TNR: variants seen among roughly 807,000 people sequenced by gnomAD.
The protein encoded by TNR is tenascin-R.
In TNR, 45 loss-of-function variants were observed where a neutral mutation model predicts 150.4. The ratio of observed to expected loss-of-function variants is 0.30; its 90% CI spans 0.24 to 0.38. The LOEUF (loss-of-function observed/expected upper bound fraction) is 0.38. Among genes scored for constraint, TNR ranks in the 10% least tolerant of loss-of-function variants. The pLI, the probability that TNR is intolerant of heterozygous loss-of-function variation, is 1.00. For missense variants in TNR, 1,544 were observed against 1,759.1 expected (o/e 0.88, Z 2.19); for synonymous variants, 687 against 678.4 (o/e 1.01, Z -0.20).
intron 1 of TNR, among the ~76,000 whole-genome samples, chr1:175,738,255 A>G (rs886627755): frequency 1.3e-5 from 2 of 152,196 alleles, no homozygotes; most frequent in Non-Finnish European, 2.9e-5. Context: ...AAGGAGGGGA[A>G]TAGGAAACAA....
intron 2 of TNR, among the ~76,000 whole-genome samples, chr1:175,419,969 G>A (rs376217028): frequency 1.3e-5 from 2 of 152,280 alleles, no homozygotes; most frequent in East Asian, 1.9e-4. Flanking sequence ...CCATTCTGCC[G>A]AAGGGGAGCT....
intron 1 of TNR, among the ~76,000 whole-genome samples, chr1:175,612,750 A>C (rs920667139): frequency 2.0e-5 from 3 of 152,262 alleles, no homozygotes; most frequent in Non-Finnish European, 4.4e-5. Context: ...GCTGGGAAAG[A>C]GAAGAAAATC....
intron 1 of TNR, among the ~76,000 whole-genome samples, chr1:175,619,000 C>T (rs565220493): frequency 4.3e-4 from 65 of 152,130 alleles, no homozygotes; most frequent in Non-Finnish European, 8.7e-4. Context: ...GGCCTCATTG[C>T]CCAGGTGGGT....
chr1:175,521,953 G>A (rs1659656791), intron 2 of TNR, among the ~76,000 whole-genome samples: 1 of 152,224 alleles, frequency 6.6e-6, no homozygotes, highest in Admixed American at 6.5e-5. Context: ...AGCCCCTGGA[G>A]TGCAGCAAGC....
At chr1:175,396,280 C>T (rs1251076166) in intron 5 of TNR, among the ~76,000 whole-genome samples, 2 of 152,204 alleles carry the variant, frequency 1.3e-5, no homozygotes, top group African/African-American at 2.4e-5. Context: ...TATAACAAGC[C>T]AGTACTCCAT....
intron 2 of TNR, among the ~76,000 whole-genome samples, chr1:175,407,662 A>G (rs1654023202): frequency 6.6e-6 from 1 of 152,220 alleles, no homozygotes; most frequent in African/African-American, 2.4e-5. Flanking sequence ...GAGTGTGACT[A>G]TTCGTCGGAG....
chr1:175,619,257 G>A (rs1232435326), intron 1 of TNR, among the ~76,000 whole-genome samples: 2 of 152,178 alleles, frequency 1.3e-5, no homozygotes, highest in Non-Finnish European at 1.5e-5. Context: ...GACCATGAGA[G>A]CATTGTCCAT....
intron 2 of TNR, among the ~76,000 whole-genome samples, chr1:175,505,268 C>G (rs898961097): frequency 2.0e-5 from 3 of 152,232 alleles, no homozygotes; most frequent in African/African-American, 7.2e-5. Flanking sequence ...AAGCCTGGCT[C>G]CCCTGCAGAA....
chr1:175,481,948 T>C (rs771755161), intron 2 of TNR, among the ~76,000 whole-genome samples: 66 of 152,262 alleles, frequency 4.3e-4, no homozygotes, highest in Non-Finnish European at 7.8e-4. Context: ...CTGAATAGTG[T>C]CTAAGGGTTG....
At chr1:175,416,143 C>CACACTA (rs1553218057) in intron 2 of TNR, among the ~76,000 whole-genome samples, 13 of 151,448 alleles carry the variant, frequency 8.6e-5, no homozygotes, top group Admixed American at 6.6e-4. Flanking sequence ...CACACACACA[C>CACACTA]TATATATATA....
chr1:175,494,089 C>G (rs1301953078), intron 2 of TNR, among the ~76,000 whole-genome samples: 1 of 152,152 alleles, frequency 6.6e-6, no homozygotes, highest in African/African-American at 2.4e-5. Context: ...TGCCTCCTTT[C>G]CCGGATTCCT....
chr1:175,716,485 T>G (rs1667157861), intron 1 of TNR, among the ~76,000 whole-genome samples: 1 of 152,222 alleles, frequency 6.6e-6, no homozygotes, highest in Admixed American at 6.5e-5. Flanking sequence ...CTGGAGGTAC[T>G]GCCTTTCAAA....
chr1:175,728,763 G>A (rs893224928), intron 1 of TNR, among the ~76,000 whole-genome samples: 8 of 152,212 alleles, frequency 5.3e-5, no homozygotes, highest in African/African-American at 1.4e-4. Context: ...CTGAATATGG[G>A]ATCCTATACA....
In TNR at chr1:175,459,331, A is replaced by G. The variant is rs536915798; in HGVS notation, c.-63-52554T>C. ...CGTCATCATTACCTCCAAGATTATT[A>G]CTACCACCATTACCACTGCCATCTC... On this transcript the variant is annotated intron_variant, in intron 2 of 22. Transcript: ENST00000367674. Among the ~76,000 whole-genome samples the G allele has an allele frequency of 2.0e-5, 3 of 152,268 alleles. No homozygotes were observed. The South Asian group carries it at 6.2e-4, about 32-fold the overall frequency.
Position 175,386,032 on chromosome 1 carries a change from C to T in TNR, c.1777G>A (p.Glu593Lys). The change falls in exon 8 of 23, where the codon GAG becomes AAG. Residue 593 changes from glutamate to lysine, a missense_variant and splice_region_variant. By Grantham distance (56) the Glu-to-Lys change is moderately conservative (BLOSUM62 1). Around this residue, in one of 2 missense-constraint regions of TNR, gnomAD observed 1,254 missense variants for 1,329.4 expected, o/e 0.94. Transcript: ENST00000367674. ...SDSATTQFTTEIDAPKNLRVG... is the reference protein window; with the variant it reads ...SDSATTQFTTKIDAPKNLRVG... Reference sequence around the variant, plus strand: ...CGTCTCTCCCCCACCGCAGCCTTACCTGTTGTGAACTGAGTGGTGGCAGAA... The same window carrying T: ...CGTCTCTCCCCCACCGCAGCCTTACTTGTTGTGAACTGAGTGGTGGCAGAA... The T allele has an allele frequency of 6.4e-7, 1 of 1,572,264 alleles. No individual in the cohort carries two copies. The highest frequency in any genetic ancestry group is 8.7e-7 in the Non-Finnish European group (1 of 1,154,930).
chr1:175,424,470 A>C (rs1459214514), intron 2 of TNR, among the ~76,000 whole-genome samples: 1 of 152,242 alleles, frequency 6.6e-6, no homozygotes, highest in Non-Finnish European at 1.5e-5. Flanking sequence ...CTCCATTAAC[A>C]GGTGTGCAGA....
intron 1 of TNR, among the ~76,000 whole-genome samples, chr1:175,683,680 T>C (rs962971897): frequency 2.0e-5 from 3 of 151,230 alleles, no homozygotes; most frequent in African/African-American, 7.3e-5. Context: ...ACACCTGCAG[T>C]GGGAGGGGGA....
chr1:175,602,633 C>T lies in TNR; in HGVS notation c.-164-74264G>A, dbSNP rs573305353. Among the ~76,000 whole-genome samples, 15 of 152,338 alleles carry T rather than the reference C, an allele frequency of 9.8e-5. No homozygotes were observed. The East Asian group carries it at 2.7e-3, about 27-fold the overall frequency. Reference sequence around the variant, plus strand: ...TACAAATAATGGCCTTAAGAAATGACTGGCATCTTCACTCTTGTGAAGTTG... The same window carrying T: ...TACAAATAATGGCCTTAAGAAATGATTGGCATCTTCACTCTTGTGAAGTTG... On this transcript the variant is annotated intron_variant, in intron 1 of 22. Coordinates refer to ENST00000367674, the MANE Select transcript of TNR (RefSeq NM_003285.3).
intron 1 of TNR, among the ~76,000 whole-genome samples, chr1:175,556,080 C>T (rs138907810): frequency 2.7e-3 from 410 of 152,378 alleles, no homozygotes; most frequent in South Asian, 5.4e-3. Context: ...CTGGGCCCCT[C>T]TGCAAATACA....
Sources: allele counts gnomAD v4.1 joint callset (sites outside exome capture counted in the v4.1 genomes callset), GRCh38; gene constraint gnomAD v4.1.1; regional missense constraint gnomAD v4.1.1; transcripts MANE v1.5; gene names NCBI Gene and HGNC (gene_info 2026-07-23, HGNC 2026-07-21).